MTFR1: variants seen among roughly 807,000 people sequenced by gnomAD.
MTFR1 encodes the protein chondrocyte protein with a poly-proline region.
A neutral mutation model predicts 38.8 loss-of-function variants in MTFR1; 28 were observed. The ratio of observed to expected loss-of-function variants is 0.72; its 90% CI spans 0.53 to 0.99. The LOEUF (loss-of-function observed/expected upper bound fraction) is 0.99. Among genes scored for constraint, MTFR1 ranks in the 50% least tolerant of loss-of-function variants. The pLI, the probability that MTFR1 is intolerant of heterozygous loss-of-function variation, is 0.00. For missense variants in MTFR1, 358 were observed against 395.5 expected (o/e 0.91, Z 0.81); for synonymous variants, 145 against 137.0 (o/e 1.06, Z -0.41).
intron 3 of MTFR1, among the ~76,000 whole-genome samples, chr8:65,731,197 A>G (rs538478533): frequency 5.5e-4 from 84 of 152,258 alleles, no homozygotes; most frequent in African/African-American, 1.9e-3. Context: ...TATCTTACTC[A>G]TATTTTTGTC....
At chr8:65,719,320 C>A (rs749390870) in intron 2 of MTFR1, 1 of 1,613,868 alleles carries the variant, frequency 6.2e-7, no homozygotes, top group African/African-American at 1.3e-5. Flanking sequence ...GAGGTAATAA[C>A]TGTGAGTTCA....
the MTFR1 span, among the ~76,000 whole-genome samples, chr8:65,778,179 T>G: frequency 1.3e-5 from 2 of 152,140 alleles, no homozygotes; most frequent in East Asian, 3.8e-4. Context: ...ATCAACAGAA[T>G]ATGGAAATGC....
At chr8:65,778,546 A>C in the MTFR1 span, among the ~76,000 whole-genome samples, 1 of 152,210 alleles carries the variant, frequency 6.6e-6, no homozygotes, top group African/African-American at 2.4e-5. Context: ...CCCTGACTGA[A>C]TTCCTGATTC....
downstream of MTFR1, among the ~76,000 whole-genome samples, chr8:65,774,552 A>G (rs1043719724): frequency 6.6e-6 from 1 of 152,008 alleles, no homozygotes; most frequent in Non-Finnish European, 1.5e-5. Flanking sequence ...CAACCCAAAT[A>G]ACTTTAACTT....
chr8:65,656,028 G>C (rs939991407), intron 1 of MTFR1, among the ~76,000 whole-genome samples: 8 of 111,862 alleles, frequency 7.2e-5, no homozygotes, highest in Non-Finnish European at 1.1e-4. Context: ...ATTGTGACAA[G>C]GACATTTAAA....
intron 1 of MTFR1, among the ~76,000 whole-genome samples, chr8:65,646,898 A>G (rs1179281122): frequency 2.0e-5 from 3 of 152,214 alleles, no homozygotes; most frequent in Non-Finnish European, 4.4e-5. Flanking sequence ...TAGATGAATA[A>G]GGAATGAGAT....
chr8:65,645,139 C>G (rs1383239194), intron 1 of MTFR1, among the ~76,000 whole-genome samples: 1 of 152,214 alleles, frequency 6.6e-6, no homozygotes, highest in Non-Finnish European at 1.5e-5. Flanking sequence ...CCGCGCCGGC[C>G]GCCAGGCGGC....
At chr8:65,676,830 A>G (rs1298610784) in intron 2 of MTFR1, among the ~76,000 whole-genome samples, 2 of 152,128 alleles carry the variant, frequency 1.3e-5, no homozygotes, top group African/African-American at 2.4e-5. Context: ...CCAGCCTCAC[A>G]CGTCAACACT....
At chr8:65,731,971 AT>A (rs1316706382) in intron 3 of MTFR1, among the ~76,000 whole-genome samples, 1 of 138,796 alleles carries the variant, frequency 7.2e-6, no homozygotes, top group African/African-American at 2.5e-5. Context: ...TCTCTATATT[AT>A]TATTATTATT....
chr8:65,769,247 CAAAAAAAA>C (rs61554087), intron 3 of MTFR1, among the ~76,000 whole-genome samples: 1 of 74,456 alleles, frequency 1.3e-5, no homozygotes, highest in Non-Finnish European at 2.6e-5. Flanking sequence ...GACTCAGTCT[CAAAAAAAA>C]AAAAAAAAAA....
chr8:65,692,270 A>G (rs1233150117), intron 3 of MTFR1, among the ~76,000 whole-genome samples: 1 of 152,228 alleles, frequency 6.6e-6, no homozygotes, highest in Admixed American at 6.5e-5. Context: ...TATTATATGT[A>G]TAACAAAATC....
chr8:65,658,988 T>A (rs985771907), intron 1 of MTFR1, among the ~76,000 whole-genome samples: 4 of 152,122 alleles, frequency 2.6e-5, no homozygotes, highest in Non-Finnish European at 5.9e-5. Context: ...AAGCCAAGTT[T>A]CATCACGGGG....
rs536431024 is a variant in MTFR1 at position 65,731,980 on chromosome 8, A to G, written c.*48+12499A>G. 4.0e-5 allele frequency among the ~76,000 whole-genome samples: 6 copies of G among 151,572 alleles called. 1 individual carries two copies. In the South Asian group the frequency reaches 8.3e-4, roughly 21 times the overall value. ...GGTCATTCTCTATATTATTATTATT[A>G]TTATTATTGTTGTTGTTGTTGTTGT... On this transcript the variant is annotated intron_variant, in intron 3 of 3. Transcript: ENST00000521247.
At position 65,751,475 on chromosome 8, in the gene MTFR1, G is replaced by GT. The variant is rs796547034; in HGVS notation, c.*49-19461dup. ...AAGTTTCTATTGTATCCTTCCTGAG[G>GT]TTTTTTTTTTTCTTTTCTCGAGTTT... On this transcript the variant is annotated intron_variant, in intron 3 of 3. Coordinates refer to the MTFR1 transcript ENST00000521247. Among the ~76,000 whole-genome samples, 797 of 147,154 alleles carry GT rather than the reference G, an allele frequency of 5.4e-3. 1 individual carries two copies. The highest frequency in any genetic ancestry group is 6.5e-3 in the Non-Finnish European group (431 of 66,312).
At chr8:65,644,443 C>A (rs999233059), upstream of MTFR1, among the ~76,000 whole-genome samples, 62 of 152,210 alleles carry the variant, frequency 4.1e-4, no homozygotes, top group African/African-American at 1.4e-3. Context: ...CGGCTACATT[C>A]AGAATGTGGG....
At chr8:65,693,206 G>A (rs752351260) in intron 3 of MTFR1, among the ~76,000 whole-genome samples, 8 of 151,926 alleles carry the variant, frequency 5.3e-5, no homozygotes, top group Non-Finnish European at 8.8e-5. Context: ...TTCGAGACCC[G>A]CCTGGTCAAC....
intron 7 of MTFR1, among the ~76,000 whole-genome samples, chr8:65,708,668 G>A (rs1805855460): frequency 6.6e-6 from 1 of 152,112 alleles, no homozygotes; most frequent in Non-Finnish European, 1.5e-5. Flanking sequence ...TTAAGACATT[G>A]GAAAGGAAAC....
chr8:65,762,473 G>C (rs1417950563), intron 3 of MTFR1, among the ~76,000 whole-genome samples: 1 of 152,170 alleles, frequency 6.6e-6, no homozygotes, highest in Non-Finnish European at 1.5e-5. Context: ...TTAGGAATTA[G>C]ACACATCTGA....
Position 65,726,896 on chromosome 8 carries a change from G to A in MTFR1, c.*48+7415G>A, listed in dbSNP as rs200534094. On this transcript the variant is annotated intron_variant, in intron 3 of 3. Transcript: ENST00000521247. The stretch of plus-strand genomic sequence containing the variant: ...CTACCTGCTTTCTAATGGCAGATGT[G>A]AGAATAAGCCTGATTCTCTCAATAA... 14 of 1,598,714 alleles carry A rather than the reference G, an allele frequency of 8.8e-6. No homozygotes were observed. In the East Asian group the frequency reaches 2.5e-4, roughly 28 times the overall value.
Sources: gnomAD v4.1 joint callset for allele counts (sites outside exome capture counted in the v4.1 genomes callset) on GRCh38, gnomAD v4.1.1 for gene constraint, MANE v1.5 for transcripts, NCBI Gene and HGNC (gene_info 2026-07-23, HGNC 2026-07-21) for gene names.